Variants in PVT1 observed in about 807,000 individuals in gnomAD.
PVT1 encodes Pvt1 oncogene, also known as CXCR4/PVT1 fusion.
chr8:128,021,448 C>T (rs1817435505), intron 4 of PVT1, among the ~76,000 whole-genome samples: 1 of 152,008 alleles, frequency 6.6e-6, no homozygotes, highest in African/African-American at 2.4e-5. Context: ...CGCCCGCCAC[C>T]ATGCCCGGTT....
intron 6 of PVT1, among the ~76,000 whole-genome samples, chr8:128,097,287 G>A (rs1461006582): frequency 6.6e-6 from 1 of 150,860 alleles, no homozygotes; most frequent in Non-Finnish European, 1.5e-5. Context: ...CTTGAACCTA[G>A]GAGGTGGAGG....
chr8:127,829,387 C>G (rs568634600), intron 2 of PVT1, among the ~76,000 whole-genome samples: 1 of 152,264 alleles, frequency 6.6e-6, no homozygotes, highest in South Asian at 2.1e-4. Context: ...TTTTAAGGCC[C>G]CAGTGCCTTT....
chr8:127,938,557 A>T (rs892934789), intron 3 of PVT1, among the ~76,000 whole-genome samples: 1 of 152,222 alleles, frequency 6.6e-6, no homozygotes. Flanking sequence ...AGCAAAACAG[A>T]TTACACAAGA....
intron 1 of PVT1, chr8:127,795,686 T>C (rs1176735847): frequency 6.9e-6 from 1 of 145,540 alleles, no homozygotes. Context: ...GTGTGGTGGG[T>C]GGGCGGGGGC....
intron 3 of PVT1, among the ~76,000 whole-genome samples, chr8:127,915,261 G>A (rs895213944): frequency 6.6e-6 from 1 of 152,098 alleles, no homozygotes; most frequent in African/African-American, 2.4e-5. Context: ...ATTACTTTAT[G>A]CAGATTTTAC....
At chr8:127,971,465 C>T (rs1036045741) in intron 3 of PVT1, among the ~76,000 whole-genome samples, 3 of 152,208 alleles carry the variant, frequency 2.0e-5, no homozygotes, top group South Asian at 2.1e-4. Flanking sequence ...TTGAGAAGAC[C>T]GCCTATATCT....
intron 3 of PVT1, among the ~76,000 whole-genome samples, chr8:127,910,058 G>A (rs911470566): frequency 6.6e-6 from 1 of 152,058 alleles, no homozygotes; most frequent in African/African-American, 2.4e-5. Flanking sequence ...GCAAGGTGCT[G>A]GGAGTGGGGT....
At chr8:128,030,481 T>C (rs750379265) in intron 4 of PVT1, among the ~76,000 whole-genome samples, 1 of 152,224 alleles carries the variant, frequency 6.6e-6, no homozygotes, top group South Asian at 2.1e-4. Context: ...TATGTTATAA[T>C]ACAAACATGT....
intron 3 of PVT1, among the ~76,000 whole-genome samples, chr8:127,958,074 C>T (rs891978810): frequency 5.3e-5 from 8 of 152,076 alleles, no homozygotes; most frequent in Non-Finnish European, 1.5e-5. Context: ...GGAACACGGG[C>T]GTGGCATCAA....
intron 4 of PVT1, among the ~76,000 whole-genome samples, chr8:128,018,753 A>G (rs1205804016): frequency 7.5e-6 from 1 of 134,108 alleles, no homozygotes; most frequent in Non-Finnish European, 1.6e-5. Context: ...CTTACAAATG[A>G]GAAAATCTTG....
intron 3 of PVT1, among the ~76,000 whole-genome samples, chr8:127,913,611 G>C (rs1348951660): frequency 2.0e-5 from 3 of 152,152 alleles, no homozygotes; most frequent in African/African-American, 7.2e-5. Context: ...CTGCCAGGTA[G>C]AGCTCTTCAG....
intron 4 of PVT1, among the ~76,000 whole-genome samples, chr8:128,065,400 G>A (rs1813892657): frequency 6.6e-6 from 1 of 152,048 alleles, no homozygotes; most frequent in Admixed American, 6.5e-5. Context: ...TGGCCAGGCT[G>A]GTCTTGAACT....
chr8:128,055,131 T>C (rs1349106652), intron 4 of PVT1, among the ~76,000 whole-genome samples: 1 of 152,176 alleles, frequency 6.6e-6, no homozygotes, highest in African/African-American at 2.4e-5. Flanking sequence ...GTCAATTCCT[T>C]ATAATCTCTC....
At chr8:127,994,779 CCTGAGGA>C (rs1202714364) in intron 4 of PVT1, among the ~76,000 whole-genome samples, 1 of 151,086 alleles carries the variant, frequency 6.6e-6, no homozygotes, top group Non-Finnish European at 1.5e-5. Flanking sequence ...GATTCGAAGG[CCTGAGGA>C]CCAGGAATGC....
At chr8:127,842,318 A>G (rs548438952) in intron 2 of PVT1, among the ~76,000 whole-genome samples, 1 of 151,726 alleles carries the variant, frequency 6.6e-6, no homozygotes, top group African/African-American at 2.4e-5. Flanking sequence ...GCAGAAGTAC[A>G]ATCATATCTC....
chr8:127,820,863 C>T (rs1814720164), intron 2 of PVT1, among the ~76,000 whole-genome samples: 1 of 152,152 alleles, frequency 6.6e-6, no homozygotes, highest in Non-Finnish European at 1.5e-5. Flanking sequence ...CATGCACCAC[C>T]ATGCCTAACT....
intron 2 of PVT1, among the ~76,000 whole-genome samples, chr8:127,848,461 A>T (rs938381114): frequency 6.6e-6 from 1 of 152,172 alleles, no homozygotes; most frequent in Non-Finnish European, 1.5e-5. Flanking sequence ...AGGTGGGCGG[A>T]TCACCTGAGG....
chr8:128,047,527 C>G (rs1391953366), intron 4 of PVT1, among the ~76,000 whole-genome samples: 1 of 152,192 alleles, frequency 6.6e-6, no homozygotes, highest in African/African-American at 2.4e-5. Context: ...TTGTAAAGGA[C>G]GCTATTGAGA....
intron 4 of PVT1, among the ~76,000 whole-genome samples, chr8:128,022,851 C>A (rs1008308163): frequency 2.7e-5 from 4 of 148,272 alleles, no homozygotes; most frequent in African/African-American, 1.0e-4. Flanking sequence ...GTAAACATGA[C>A]GCAAGCTGAG....
Sources: allele counts gnomAD v4.1 joint callset (sites outside exome capture counted in the v4.1 genomes callset), GRCh38; gene constraint gnomAD v4.1.1; transcripts MANE v1.5; gene names NCBI Gene and HGNC (gene_info 2026-07-23, HGNC 2026-07-21).